ARHGAP20: variants seen among roughly 807,000 people sequenced by gnomAD.
ARHGAP20 encodes the protein Rho GTPase activating protein 20, also known as rho GTPase-activating protein 20.
Under a neutral mutation model 73.7 loss-of-function variants are expected in ARHGAP20, and 34 were observed. The observed-to-expected ratio is 0.46, with a 90% CI of 0.35 to 0.61. The LOEUF (loss-of-function observed/expected upper bound fraction) is 0.61, where lower values mean the gene tolerates loss of function less well. Among genes scored for constraint, ARHGAP20 ranks in the 20% least tolerant of loss-of-function variants. The pLI is 0.00. For synonymous variants in ARHGAP20, 523 were observed against 518.2 expected, an observed-to-expected ratio of 1.01 and a Z score of -0.13; for missense variants, 1,314 against 1,420.9, an observed-to-expected ratio of 0.92 and a Z score of 1.21.
chr11:110,587,305 G>A (rs1019714691), intron 11 of ARHGAP20, among the ~76,000 whole-genome samples: 4 of 152,092 alleles, frequency 2.6e-5, no homozygotes, highest in African/African-American at 4.8e-5. Flanking sequence ...ACTCAATATC[G>A]TGTTTAAGTA....
intron 2 of ARHGAP20, among the ~76,000 whole-genome samples, chr11:110,677,761 G>T (rs969678945): frequency 6.6e-6 from 1 of 152,110 alleles, no homozygotes; most frequent in Admixed American, 6.5e-5. Flanking sequence ...GGAGAAATTA[G>T]AATGCTCATA....
chr11:110,711,954 G>T, intron 1 of ARHGAP20, 173 bp downstream of exon 1: 2 of 1,252,588 alleles, frequency 1.6e-6, no homozygotes, highest in South Asian at 3.5e-5. Context: ...CGGCGCTGCC[G>T]CTGGCCGTCA....
chr11:110,675,802 T>G (rs1179248348), intron 2 of ARHGAP20, among the ~76,000 whole-genome samples: 2 of 152,190 alleles, frequency 1.3e-5, no homozygotes, highest in Non-Finnish European at 2.9e-5. Flanking sequence ...TAGCAGTACC[T>G]CTATGAAGCT....
At chr11:110,621,228 GGTT>G (rs1427275261) in intron 4 of ARHGAP20, among the ~76,000 whole-genome samples, 1 of 151,768 alleles carries the variant, frequency 6.6e-6, no homozygotes, top group Non-Finnish European at 1.5e-5. Context: ...TTTGATTTAT[GGTT>G]GTTTATAACA....
At chr11:110,621,421 C>T (rs150970659) in intron 4 of ARHGAP20, among the ~76,000 whole-genome samples, 19 of 151,354 alleles carry the variant, frequency 1.3e-4, no homozygotes, top group African/African-American at 4.1e-4. Flanking sequence ...CCCACAAGTC[C>T]GTGATACATT....
At chr11:110,594,418 T>C (rs1947902621) in intron 9 of ARHGAP20, among the ~76,000 whole-genome samples, 1 of 152,156 alleles carries the variant, frequency 6.6e-6, no homozygotes, top group Non-Finnish European at 1.5e-5. Flanking sequence ...TTGTATAGGA[T>C]AATCTATAAA....
chr11:110,664,930 A>G (rs1949693298), intron 2 of ARHGAP20, among the ~76,000 whole-genome samples: 1 of 152,138 alleles, frequency 6.6e-6, no homozygotes, highest in East Asian at 1.9e-4. Flanking sequence ...TTGTTAAGAT[A>G]TCAATTCTGC....
intron 9 of ARHGAP20, among the ~76,000 whole-genome samples, chr11:110,600,758 T>C (rs1279148092): frequency 2.6e-5 from 4 of 152,222 alleles, no homozygotes; most frequent in African/African-American, 9.6e-5. Flanking sequence ...GGTCAGAACT[T>C]TGAATGTCTA....
Position 110,579,456 on chromosome 11 carries a change from A to C in ARHGAP20, c.3490T>G (p.Trp1164Gly), listed in dbSNP as rs936433971. The change falls in exon 15 of 15, where the codon TGG (tryptophan) becomes GGG (glycine). Residue 1164 changes from tryptophan (W) to glycine (G), a missense_variant. Transcript: ENST00000683387. ...LPWERASASS[W>G]TLEDATSPDS... ...GGGCTGGTCGCATCCTCTAGAGTCC[A>C]AGAGCTGGCTGAGGCTCTTTCCCAA... 8 of 1,614,166 alleles carry C rather than the reference A, an allele frequency of 5.0e-6. No individual in the cohort carries two copies. Among genetic ancestry groups the C allele is most frequent in the Non-Finnish European group, 6.8e-6 (8 of 1,180,018 alleles).
At chr11:110,653,652 A>G (rs192821712) in intron 2 of ARHGAP20, among the ~76,000 whole-genome samples, 2 of 152,210 alleles carry the variant, frequency 1.3e-5, no homozygotes, top group African/African-American at 4.8e-5. Context: ...ACCATTGCGG[A>G]AGACAGTGTG....
At chr11:110,599,439 G>A (rs1565431017) in intron 9 of ARHGAP20, among the ~76,000 whole-genome samples, 1 of 152,230 alleles carries the variant, frequency 6.6e-6, no homozygotes, top group Non-Finnish European at 1.5e-5. Context: ...GAAGCCGATC[G>A]GGGGCTGAGG....
At position 110,697,268 on chromosome 11, in the gene ARHGAP20, A is replaced by G. The variant is rs544743852; in HGVS notation, c.106-6639T>C. 3.3e-5 allele frequency among the ~76,000 whole-genome samples: 5 copies of G among 151,638 alleles called. 1 individual carries two copies. The highest frequency in any genetic ancestry group is 1.2e-4 in the African/African-American group (5 of 41,456). ...ACAACTTTTTTTTTGACTTTTTATTAATAGCCATTCTGATGGGTGTAAGAC... is the reference window on the plus strand; with the variant it reads ...ACAACTTTTTTTTTGACTTTTTATTGATAGCCATTCTGATGGGTGTAAGAC... On this transcript the variant is annotated intron_variant, in intron 1 of 14. Coordinates refer to ENST00000683387, the MANE Select transcript of ARHGAP20 (RefSeq NM_001384657.1).
rs532234948 is a variant in ARHGAP20 at position 110,711,790 on chromosome 11, A to G, written c.105+337T>C. 7 of 1,350,928 alleles carry G rather than the reference A, an allele frequency of 5.2e-6. No individual in the cohort carries two copies. The Admixed American group carries it at 1.9e-4, about 36-fold the overall frequency. 83.7% of individuals were successfully genotyped at this position (1,350,928 alleles called of 1,614,324 possible). A position where few individuals can be genotyped will look rare whatever the true frequency, so the allele number is the denominator to read the frequency against. ...CAGGGGCACGGCGAGGGGTCGGGGAAAGGCGATCGCCCACTACAGCCCGCG... is the reference window on the plus strand; with the variant it reads ...CAGGGGCACGGCGAGGGGTCGGGGAGAGGCGATCGCCCACTACAGCCCGCG... On this transcript the variant is annotated intron_variant, in intron 1 of 14. Transcript: ENST00000683387.
At chr11:110,641,025 G>C (rs963522895) in intron 2 of ARHGAP20, among the ~76,000 whole-genome samples, 1 of 152,074 alleles carries the variant, frequency 6.6e-6, no homozygotes, top group Admixed American at 6.6e-5. Context: ...TAAGGGCTTG[G>C]TAAGATAGGT....
chr11:110,636,628 G>A (rs1027686599), intron 2 of ARHGAP20, among the ~76,000 whole-genome samples: 13 of 151,930 alleles, frequency 8.6e-5, no homozygotes, highest in African/African-American at 3.1e-4. Flanking sequence ...ATGTAAGTGT[G>A]GTGAGAGATG....
intron 1 of ARHGAP20, among the ~76,000 whole-genome samples, chr11:110,708,804 A>G (rs1271247069): frequency 6.6e-6 from 1 of 152,190 alleles, no homozygotes; most frequent in African/African-American, 2.4e-5. Flanking sequence ...TAAACTGTGG[A>G]GATGTTTTCA....
At chr11:110,633,648 T>G (rs1591331063) in intron 2 of ARHGAP20, among the ~76,000 whole-genome samples, 1 of 152,342 alleles carries the variant, frequency 6.6e-6, no homozygotes, top group East Asian at 1.9e-4. Flanking sequence ...ATGCATTTTC[T>G]ACTCATGATA....
At chr11:110,653,760 G>C (rs986972412) in intron 2 of ARHGAP20, among the ~76,000 whole-genome samples, 1 of 152,050 alleles carries the variant, frequency 6.6e-6, no homozygotes, top group Admixed American at 6.6e-5. Context: ...CTATTATAAA[G>C]ATACATGCAC....
At chr11:110,630,477 T>G in intron 3 of ARHGAP20, 151 bp downstream of exon 3, 1 of 771,672 alleles carries the variant, frequency 1.3e-6, no homozygotes, top group Non-Finnish European at 2.1e-6. Flanking sequence ...CAATCGATTT[T>G]TTTTTGCAAT....
Sources: allele counts gnomAD v4.1 joint callset (sites outside exome capture counted in the v4.1 genomes callset), GRCh38; gene constraint gnomAD v4.1.1; transcripts MANE v1.5; gene names NCBI Gene and HGNC (gene_info 2026-07-23, HGNC 2026-07-21).